Variants in EXT1 observed in about 807,000 individuals in gnomAD.
The protein encoded by EXT1 is exostosin-1.
In EXT1, 20 loss-of-function variants were observed where a neutral mutation model predicts 82.5. That is an observed-to-expected ratio of 0.24 (90% CI 0.17 to 0.35). The LOEUF is 0.35. Among genes scored for constraint, EXT1 ranks in the 10% least tolerant of loss-of-function variants. The pLI, the probability that EXT1 is intolerant of heterozygous loss-of-function variation, is 1.00. For missense variants in EXT1, 757 were observed against 936.5 expected, an observed-to-expected ratio of 0.81 and a Z score of 2.50; for synonymous variants, 348 against 350.8, an observed-to-expected ratio of 0.99 and a Z score of 0.09.
intron 1 of EXT1, among the ~76,000 whole-genome samples, chr8:117,926,013 G>T (rs1308971041): frequency 6.6e-6 from 1 of 152,182 alleles, no homozygotes; most frequent in Non-Finnish European, 1.5e-5. Flanking sequence ...AGGAAACCAA[G>T]ACCCAAAGGG....
chr8:117,834,097 A>C (rs1438204232), intron 3 of EXT1, among the ~76,000 whole-genome samples: 2 of 152,208 alleles, frequency 1.3e-5, no homozygotes, highest in African/African-American at 4.8e-5. Flanking sequence ...AGATTCTGTC[A>C]CATTCCTCCT....
At chr8:117,876,316 G>C (rs1295050925) in intron 1 of EXT1, among the ~76,000 whole-genome samples, 4 of 152,204 alleles carry the variant, frequency 2.6e-5, no homozygotes, top group Admixed American at 1.3e-4. Flanking sequence ...TGTGTCAAAA[G>C]AGAGAATGCA....
chr8:117,879,300 T>C (rs1474972251), intron 1 of EXT1, among the ~76,000 whole-genome samples: 2 of 152,204 alleles, frequency 1.3e-5, no homozygotes, highest in African/African-American at 2.4e-5. Flanking sequence ...TTTCATGTCA[T>C]AATTTCTCCC....
chr8:117,975,992 G>C (rs1232068111), intron 1 of EXT1, among the ~76,000 whole-genome samples: 1 of 152,214 alleles, frequency 6.6e-6, no homozygotes, highest in Non-Finnish European at 1.5e-5. Context: ...ACAGTAACAT[G>C]AGCTACGGAA....
intron 7 of EXT1, among the ~76,000 whole-genome samples, chr8:117,817,500 G>T (rs1360956498): frequency 6.6e-6 from 1 of 151,946 alleles, no homozygotes; most frequent in Non-Finnish European, 1.5e-5. Flanking sequence ...CAATGCGTAA[G>T]ATCTATAAGT....
intron 1 of EXT1, among the ~76,000 whole-genome samples, chr8:117,848,708 C>T (rs1357247569): frequency 6.6e-6 from 1 of 152,138 alleles, no homozygotes; most frequent in Admixed American, 6.6e-5. Flanking sequence ...CAGCCAGAGT[C>T]TCCTCACACC....
intron 1 of EXT1, among the ~76,000 whole-genome samples, chr8:117,952,318 A>G (rs1206257676): frequency 6.6e-6 from 1 of 152,250 alleles, no homozygotes; most frequent in Admixed American, 6.5e-5. Flanking sequence ...CTTTTAAAAT[A>G]TAGTTGGTTC....
At chr8:118,094,633 C>A (rs191297252) in intron 1 of EXT1, among the ~76,000 whole-genome samples, 1 of 152,306 alleles carries the variant, frequency 6.6e-6, no homozygotes, top group African/African-American at 2.4e-5. Context: ...GTAACAGCAA[C>A]CCTATGAAGT....
At chr8:117,890,951 C>A (rs368800828) in intron 1 of EXT1, among the ~76,000 whole-genome samples, 2 of 152,210 alleles carry the variant, frequency 1.3e-5, no homozygotes, top group African/African-American at 4.8e-5. Context: ...TCTCCTTCCT[C>A]CTTCCTCCAA....
chr8:118,036,973 C>T (rs1454726796), intron 1 of EXT1, among the ~76,000 whole-genome samples: 1 of 152,128 alleles, frequency 6.6e-6, no homozygotes, highest in Non-Finnish European at 1.5e-5. Context: ...CGCAGCACAC[C>T]AAATCCATCA....
chr8:118,017,144 G>A (rs539564632), intron 1 of EXT1, among the ~76,000 whole-genome samples: 2 of 152,170 alleles, frequency 1.3e-5, no homozygotes, highest in Admixed American at 6.5e-5. Flanking sequence ...ACTGCTATCC[G>A]TTAGTCTGCT....
chr8:117,919,115 A>G (rs1813808013), intron 1 of EXT1, among the ~76,000 whole-genome samples: 1 of 152,196 alleles, frequency 6.6e-6, no homozygotes, highest in Non-Finnish European at 1.5e-5. Flanking sequence ...AACTTTACAG[A>G]AAAATAGCAA....
intron 1 of EXT1, among the ~76,000 whole-genome samples, chr8:118,024,995 G>A (rs1413461578): frequency 6.6e-6 from 1 of 152,212 alleles, no homozygotes; most frequent in African/African-American, 2.4e-5. Flanking sequence ...GTACGTGTAT[G>A]TATGAATCCT....
At chr8:117,883,210 A>C (rs1057059532) in intron 1 of EXT1, among the ~76,000 whole-genome samples, 1 of 152,220 alleles carries the variant, frequency 6.6e-6, no homozygotes, top group Non-Finnish European at 1.5e-5. Flanking sequence ...CCAATAAATA[A>C]GAGGGTTCAC....
At chr8:117,846,772 A>G (rs541266678) in intron 1 of EXT1, among the ~76,000 whole-genome samples, 1 of 152,174 alleles carries the variant, frequency 6.6e-6, no homozygotes, top group South Asian at 2.1e-4. Context: ...CAGCAGCCCG[A>G]GAAGACCAGG....
intron 1 of EXT1, among the ~76,000 whole-genome samples, chr8:117,910,782 C>A (rs1348551675): frequency 6.6e-6 from 1 of 152,236 alleles, no homozygotes; most frequent in Non-Finnish European, 1.5e-5. Context: ...ACTTTGCAAA[C>A]TCTTTCCACA....
chr8:118,025,909 T>C lies in EXT1; in HGVS notation c.962+84176A>G, dbSNP rs11562733. On this transcript the variant is annotated intron_variant, in intron 1 of 10. Transcript: ENST00000378204. ...GATGGGCTTCAAAAGTTTCTGACAA[T>C]CACTGCCATAAATCATCCAGGCATA... 5.8e-4 allele frequency among the ~76,000 whole-genome samples: 89 copies of C among 152,242 alleles called. 1 individual carries two copies. Among genetic ancestry groups the C allele is most frequent in the African/African-American group, 2.1e-3 (87 of 41,530 alleles).
At position 117,893,110 on chromosome 8, in the gene EXT1, G is replaced by A. The variant is rs183066671; in HGVS notation, c.963-55909C>T. Among the ~76,000 whole-genome samples the A allele has an allele frequency of 2.0e-5, 3 of 152,342 alleles. No individual in the cohort carries two copies. In the East Asian group the frequency reaches 5.8e-4, roughly 29 times the overall value. ...TATATGAATGTATAGGTATATGTGC[G>A]TGTGCACAGAAGGCAAGAATGGATT... is the stretch of plus-strand genomic sequence containing the variant. On this transcript the variant is annotated intron_variant, in intron 1 of 10. Coordinates refer to ENST00000378204, the MANE Select transcript of EXT1 (RefSeq NM_000127.3).
chr8:117,931,147 C>A (rs918492421), intron 1 of EXT1, among the ~76,000 whole-genome samples: 1 of 152,318 alleles, frequency 6.6e-6, no homozygotes, highest in South Asian at 2.1e-4. Flanking sequence ...CAACAGTCCT[C>A]GGGGCTGCCC....
Sources: gnomAD v4.1 joint callset for allele counts (sites outside exome capture counted in the v4.1 genomes callset) on GRCh38, gnomAD v4.1.1 for gene constraint, MANE v1.5 for transcripts, NCBI Gene and HGNC (gene_info 2026-07-23, HGNC 2026-07-21) for gene names.